The following ABTB3 variants were observed in gnomAD, a reference collection of about 807,000 sequenced individuals.
The protein encoded by ABTB3 is ankyrin repeat- and BTB/POZ domain-containing protein 3.
the ABTB3 span, among the ~76,000 whole-genome samples, chr12:107,608,195 C>T: frequency 2.5e-4 from 38 of 152,296 alleles, no homozygotes; most frequent in Non-Finnish European, 4.7e-4. Context: ...TCTGCTCCAT[C>T]CCAGTAGCCA....
the ABTB3 span, among the ~76,000 whole-genome samples, chr12:107,574,558 A>T: frequency 3.3e-5 from 5 of 152,150 alleles, no homozygotes; most frequent in African/African-American, 1.2e-4. Context: ...CCCTGTCTCT[A>T]CTAAAAATAC....
the ABTB3 span, among the ~76,000 whole-genome samples, chr12:107,519,331 C>CTTTT: frequency 6.0e-3 from 847 of 140,102 alleles, 15 homozygotes; most frequent in African/African-American, 0.019. Flanking sequence ...TTTTCTTTTT[C>CTTTT]TTTTTTTTTT....
the ABTB3 span, among the ~76,000 whole-genome samples, chr12:107,550,583 C>CTTT: frequency 5.9e-5 from 8 of 135,240 alleles, no homozygotes; most frequent in African/African-American, 2.0e-4. Flanking sequence ...TTCTTTCTTT[C>CTTT]TTTTTTTTTT....
chr12:107,342,662 G>A, the ABTB3 span, among the ~76,000 whole-genome samples: 258 of 152,238 alleles, frequency 1.7e-3, no homozygotes, highest in African/African-American at 4.7e-3. Flanking sequence ...CTGCCTCAGT[G>A]GAACCTCTGC....
At chr12:107,408,828 C>T in the ABTB3 span, among the ~76,000 whole-genome samples, 144 of 152,348 alleles carry the variant, frequency 9.5e-4, 1 homozygote, top group East Asian at 8.5e-3. Context: ...ATCTGTTCAG[C>T]AAGTGTTAAC....
chr12:107,617,549 G>T, the ABTB3 span: 1 of 1,416,760 alleles, frequency 7.1e-7, no homozygotes, highest in Non-Finnish European at 9.4e-7. Context: ...CAGAGGCAGT[G>T]TGAAGTGGTC....
chr12:107,597,024 A>C, the ABTB3 span, among the ~76,000 whole-genome samples: 1 of 152,330 alleles, frequency 6.6e-6, no homozygotes, highest in South Asian at 2.1e-4. Flanking sequence ...AACTCTACTG[A>C]GCAGCCTGGA....
chr12:107,332,074 C>T, the ABTB3 span, among the ~76,000 whole-genome samples: 1 of 152,230 alleles, frequency 6.6e-6, no homozygotes, highest in African/African-American at 2.4e-5. Flanking sequence ...GGAGCGTGTG[C>T]TGGGGTAGGA....
At chr12:107,545,113 C>G in the ABTB3 span, among the ~76,000 whole-genome samples, 4 of 152,370 alleles carry the variant, frequency 2.6e-5, no homozygotes, top group African/African-American at 9.6e-5. Flanking sequence ...TCATTGGATG[C>G]TCTGCTTCTG....
At chr12:107,361,346 G>T in the ABTB3 span, among the ~76,000 whole-genome samples, 3 of 151,878 alleles carry the variant, frequency 2.0e-5, no homozygotes, top group African/African-American at 4.8e-5. Flanking sequence ...TTTTTCATTT[G>T]TCAGATTATG....
chr12:107,460,667 A>G, the ABTB3 span, among the ~76,000 whole-genome samples: 3 of 152,138 alleles, frequency 2.0e-5, no homozygotes, highest in Non-Finnish European at 4.4e-5. Context: ...AAGAAAAAAA[A>G]AGAGAAAAAA....
At chr12:107,358,295 A>G in the ABTB3 span, among the ~76,000 whole-genome samples, 2 of 152,212 alleles carry the variant, frequency 1.3e-5, no homozygotes, top group Non-Finnish European at 2.9e-5. Context: ...AGAAAGTGGC[A>G]TGTTAGTAGA....
the ABTB3 span, among the ~76,000 whole-genome samples, chr12:107,563,106 G>A: frequency 6.6e-6 from 1 of 152,120 alleles, no homozygotes; most frequent in Non-Finnish European, 1.5e-5. Context: ...TTTTATCCAA[G>A]CCTGGTTCTC....
the ABTB3 span, among the ~76,000 whole-genome samples, chr12:107,426,298 G>A: frequency 1.3e-4 from 20 of 152,206 alleles, no homozygotes; most frequent in African/African-American, 4.3e-4. Flanking sequence ...AGGGGTGGAC[G>A]GACGGCAAGC....
At chr12:107,579,395 G>T in the ABTB3 span, among the ~76,000 whole-genome samples, 1 of 152,176 alleles carries the variant, frequency 6.6e-6, no homozygotes, top group African/African-American at 2.4e-5. Flanking sequence ...CTGACTCCCA[G>T]CTCTTGCTAG....
At chr12:107,595,439 G>T in the ABTB3 span, among the ~76,000 whole-genome samples, 8 of 152,272 alleles carry the variant, frequency 5.3e-5, no homozygotes, top group East Asian at 1.9e-4. Context: ...GGCTGCAATG[G>T]GGGGAAAAGA....
At chr12:107,511,618 C>T in the ABTB3 span, among the ~76,000 whole-genome samples, 1 of 152,130 alleles carries the variant, frequency 6.6e-6, no homozygotes, top group African/African-American at 2.4e-5. Flanking sequence ...CCTTTTGAAG[C>T]CTACACTTGG....
At chr12:107,615,207 T>C in the ABTB3 span, 81 of 1,496,564 alleles carry the variant, frequency 5.4e-5, no homozygotes, top group Non-Finnish European at 7.3e-5. Flanking sequence ...TGATTTTACC[T>C]CTTCCATAAC....
the ABTB3 span, among the ~76,000 whole-genome samples, chr12:107,474,782 C>T: frequency 1.3e-5 from 2 of 151,930 alleles, no homozygotes; most frequent in Admixed American, 6.5e-5. Flanking sequence ...CAGCAGATGC[C>T]CTGCAGAGTG....
Sources: gnomAD v4.1 joint callset for allele counts (sites outside exome capture counted in the v4.1 genomes callset) on GRCh38, gnomAD v4.1.1 for gene constraint, MANE v1.5 for transcripts, NCBI Gene and HGNC (gene_info 2026-07-23, HGNC 2026-07-21) for gene names.